Variants in TOX observed in about 807,000 individuals in gnomAD.
TOX encodes thymocyte selection associated high mobility group box.
A neutral mutation model predicts 53.7 loss-of-function variants in TOX; 11 were observed. That is an observed-to-expected ratio of 0.20 (90% CI 0.13 to 0.34). The LOEUF (loss-of-function observed/expected upper bound fraction) is 0.34. TOX is among the 10% of genes least tolerant of loss of function. TOX has a pLI of 1.00. For synonymous variants in TOX, 225 were observed against 245.3 expected (o/e 0.92, Z 0.77); for missense variants, 570 against 664.6 (o/e 0.86, Z 1.56).
chr8:58,906,962 C>T (rs1487672449), intron 3 of TOX, among the ~76,000 whole-genome samples: 3 of 152,184 alleles, frequency 2.0e-5, no homozygotes, highest in African/African-American at 7.2e-5. Context: ...CATAAAATTC[C>T]TTCAGCCTGT....
At position 58,921,197 on chromosome 8, in the gene TOX, T is replaced by C. The variant is rs149020186; in HGVS notation, c.411+18105A>G. On this transcript the variant is annotated intron_variant, in intron 3 of 8. Coordinates refer to ENST00000361421, the MANE Select transcript of TOX (RefSeq NM_014729.3). ...CCATCTCTTGAACAAGTGCAAGCTA[T>C]ATTTCATTCATTAAAAGTTGTTTCT... Among the ~76,000 whole-genome samples, 9 of 152,370 alleles carry C rather than the reference T, an allele frequency of 5.9e-5. No homozygotes were observed. The East Asian group carries it at 1.3e-3, about 23-fold the overall frequency.
chr8:59,063,805 C>A (rs73256308), intron 1 of TOX, among the ~76,000 whole-genome samples: 1,806 of 152,182 alleles, frequency 0.012, 30 homozygotes, highest in African/African-American at 0.041. Flanking sequence ...CTAAAAATCA[C>A]CACTGTAAAT....
intron 7 of TOX, among the ~76,000 whole-genome samples, chr8:58,814,723 G>A (rs1050778771): frequency 9.9e-5 from 15 of 152,160 alleles, no homozygotes; most frequent in African/African-American, 3.6e-4. Context: ...GCACACAAAT[G>A]GTTTCAATAA....
At chr8:58,832,405 GA>G (rs1810476500) in intron 5 of TOX, among the ~76,000 whole-genome samples, 1 of 151,864 alleles carries the variant, frequency 6.6e-6, no homozygotes, top group African/African-American at 2.4e-5. Flanking sequence ...ATGTTTATAA[GA>G]AAATGGCCAA....
chr8:59,064,960 T>A (rs1207932361), intron 1 of TOX, among the ~76,000 whole-genome samples: 3 of 152,310 alleles, frequency 2.0e-5, no homozygotes, highest in African/African-American at 7.2e-5. Context: ...GGGGGCTTTT[T>A]AAAAGTGAAC....
At chr8:59,026,435 G>T (rs1814239939) in intron 1 of TOX, among the ~76,000 whole-genome samples, 1 of 152,130 alleles carries the variant, frequency 6.6e-6, no homozygotes, top group African/African-American at 2.4e-5. Context: ...AAGGAGGCAG[G>T]GCACAGGGAT....
intron 3 of TOX, among the ~76,000 whole-genome samples, chr8:58,888,608 G>C (rs1811509748): frequency 6.6e-6 from 1 of 151,734 alleles, no homozygotes. Flanking sequence ...GAAATATGCA[G>C]AAAGAGCAAT....
intron 3 of TOX, among the ~76,000 whole-genome samples, chr8:58,909,889 C>G (rs904065836): frequency 6.6e-6 from 1 of 152,126 alleles, no homozygotes; most frequent in African/African-American, 2.4e-5. Context: ...AACTCCTGAC[C>G]TCAGGTGATC....
At chr8:59,029,943 T>A (rs1814322789) in intron 1 of TOX, among the ~76,000 whole-genome samples, 2 of 152,212 alleles carry the variant, frequency 1.3e-5, no homozygotes, top group South Asian at 4.1e-4. Context: ...TTAGGACTAA[T>A]TTGCTTCACA....
At chr8:58,836,479 G>A (rs900871601) in intron 5 of TOX, among the ~76,000 whole-genome samples, 3 of 152,294 alleles carry the variant, frequency 2.0e-5, no homozygotes, top group Non-Finnish European at 2.9e-5. Context: ...TACAGAGAAC[G>A]TTTTGGTGGT....
Position 58,939,984 on chromosome 8 carries a change from C to T in TOX, c.169-440G>A, listed in dbSNP as rs542510093. Among the ~76,000 whole-genome samples, 7 of 152,252 alleles carry T rather than the reference C, an allele frequency of 4.6e-5. No homozygotes were observed. The South Asian group carries it at 6.2e-4, about 14-fold the overall frequency. On this transcript the variant is annotated intron_variant, in intron 2 of 8. Transcript: ENST00000361421. ...GAATTCCAGAAGTTCTGGGCAATTG[C>T]TTTTGGGTTTTGAAAGGCTACCTGC...
intron 1 of TOX, among the ~76,000 whole-genome samples, chr8:58,996,684 A>G (rs536506887): frequency 2.4e-4 from 37 of 152,348 alleles, no homozygotes; most frequent in Non-Finnish European, 8.8e-5. Flanking sequence ...AAAATATGCT[A>G]TGAAAAATAT....
chr8:59,072,038 T>G (rs1190589327), intron 1 of TOX, among the ~76,000 whole-genome samples: 1 of 152,316 alleles, frequency 6.6e-6, no homozygotes, highest in East Asian at 1.9e-4. Flanking sequence ...GGCCTGGGCT[T>G]CTTCTGATTT....
At chr8:59,020,545 A>G (rs944760915) in intron 1 of TOX, among the ~76,000 whole-genome samples, 1 of 152,208 alleles carries the variant, frequency 6.6e-6, no homozygotes, top group Non-Finnish European at 1.5e-5. Context: ...GCTCCTGTCA[A>G]AGTCCTAAAA....
intron 1 of TOX, among the ~76,000 whole-genome samples, chr8:59,045,046 T>C (rs1219981676): frequency 6.6e-6 from 1 of 152,260 alleles, no homozygotes; most frequent in Non-Finnish European, 1.5e-5. Context: ...TTGTACAGAA[T>C]TGTTCTAATG....
At chr8:59,010,409 A>G (rs1813882067) in intron 1 of TOX, among the ~76,000 whole-genome samples, 1 of 152,246 alleles carries the variant, frequency 6.6e-6, no homozygotes, top group African/African-American at 2.4e-5. Context: ...GTGAGTGCTG[A>G]CAAGATCATA....
chr8:59,056,431 G>GAAAAAAAAA (rs397697554), intron 1 of TOX, among the ~76,000 whole-genome samples: 1 of 56,242 alleles, frequency 1.8e-5, no homozygotes. Flanking sequence ...GGCCCTCTCC[G>GAAAAAAAAA]AAAAAAAAAA....
At chr8:58,879,072 A>C (rs1015808031) in intron 3 of TOX, among the ~76,000 whole-genome samples, 6 of 151,634 alleles carry the variant, frequency 4.0e-5, no homozygotes, top group Non-Finnish European at 8.8e-5. Context: ...AAAAAAAAAA[A>C]ACAAAAAAAC....
chr8:58,894,236 CACACCCTGCT>C (rs1478947246), intron 3 of TOX, among the ~76,000 whole-genome samples: 1 of 152,186 alleles, frequency 6.6e-6, no homozygotes, highest in African/African-American at 2.4e-5. Context: ...TTGCTGATTG[CACACCCTGCT>C]ACGGCAATCT....
Sources: allele counts gnomAD v4.1 joint callset (sites outside exome capture counted in the v4.1 genomes callset), GRCh38; gene constraint gnomAD v4.1.1; transcripts MANE v1.5; gene names NCBI Gene and HGNC (gene_info 2026-07-23, HGNC 2026-07-21).